Variants in PTPRT observed in about 807,000 individuals in gnomAD.
The protein encoded by PTPRT is protein tyrosine phosphatase receptor type T, also known as receptor-type tyrosine-protein phosphatase T.
Under a neutral mutation model 176.8 loss-of-function variants are expected in PTPRT, and 56 were observed. That is an observed-to-expected ratio of 0.32 (90% CI 0.26 to 0.40). The LOEUF (loss-of-function observed/expected upper bound fraction) is 0.40, where lower values mean the gene tolerates loss of function less well. PTPRT is among the 10% of genes least tolerant of loss of function. PTPRT has a pLI of 1.00. For synonymous variants in PTPRT, 783 were observed against 739.0 expected (o/e 1.06, Z -0.96); for missense variants, 1,540 against 1,908.2 (o/e 0.81, Z 3.60).
chr20:42,120,464 A>G (rs540346704), intron 19 of PTPRT, among the ~76,000 whole-genome samples: 1 of 152,298 alleles, frequency 6.6e-6, no homozygotes, highest in South Asian at 2.1e-4. Flanking sequence ...AGCATCCCAC[A>G]TTGCTTCTCT....
At chr20:42,084,271 T>C (rs1983648410) in intron 29 of PTPRT, among the ~76,000 whole-genome samples, 1 of 152,234 alleles carries the variant, frequency 6.6e-6, no homozygotes, top group Non-Finnish European at 1.5e-5. Context: ...AATGGGGGTA[T>C]AAACACAGCT....
chr20:42,085,259 C>A (rs1027926157), intron 28 of PTPRT, among the ~76,000 whole-genome samples: 4 of 152,072 alleles, frequency 2.6e-5, no homozygotes, highest in Non-Finnish European at 5.9e-5. Context: ...AAGTAGTGAC[C>A]AAAGCTGCAT....
At chr20:42,837,901 T>C (rs2078210415) in intron 2 of PTPRT, among the ~76,000 whole-genome samples, 2 of 152,104 alleles carry the variant, frequency 1.3e-5, no homozygotes, top group Admixed American at 6.5e-5. Context: ...AAGGTGGCTC[T>C]TGGTGTTCAC....
chr20:42,947,717 GC>G (rs1568694563), intron 1 of PTPRT, among the ~76,000 whole-genome samples: 1 of 152,044 alleles, frequency 6.6e-6, no homozygotes, highest in Non-Finnish European at 1.5e-5. Context: ...CAAGAATTGT[GC>G]TCATTCACTT....
intron 6 of PTPRT, among the ~76,000 whole-genome samples, chr20:42,706,543 T>C (rs1405915801): frequency 6.6e-6 from 1 of 152,082 alleles, no homozygotes; most frequent in African/African-American, 2.4e-5. Context: ...GCATAGAAAG[T>C]AAAACATATG....
At chr20:42,894,103 C>T (rs900388280) in intron 1 of PTPRT, among the ~76,000 whole-genome samples, 5 of 151,574 alleles carry the variant, frequency 3.3e-5, no homozygotes, top group Admixed American at 6.6e-5. Flanking sequence ...ATTCTGAATC[C>T]GAGAAAGAAG....
intron 7 of PTPRT, among the ~76,000 whole-genome samples, chr20:42,516,576 G>A (rs2145479902): frequency 6.6e-6 from 1 of 152,174 alleles, no homozygotes; most frequent in African/African-American, 2.4e-5. Context: ...TTACATTTGG[G>A]GGATATGGCT....
intron 7 of PTPRT, among the ~76,000 whole-genome samples, chr20:42,555,704 A>C (rs950694776): frequency 6.6e-6 from 1 of 152,192 alleles, no homozygotes; most frequent in Admixed American, 6.5e-5. Flanking sequence ...GACAAATGGA[A>C]TATGAGCAGG....
intron 11 of PTPRT, among the ~76,000 whole-genome samples, chr20:42,319,387 T>A (rs527632439): frequency 7.9e-5 from 12 of 152,102 alleles, no homozygotes; most frequent in Admixed American, 5.9e-4. Context: ...CAACTCCATA[T>A]GAAATTACAA....
intron 1 of PTPRT, among the ~76,000 whole-genome samples, chr20:42,897,296 T>C (rs1407577496): frequency 6.6e-6 from 1 of 152,224 alleles, no homozygotes; most frequent in African/African-American, 2.4e-5. Context: ...AAACAGTGTC[T>C]GATCTGTTCA....
chr20:42,115,979 G>A (rs1408391728), intron 21 of PTPRT: 20 of 713,794 alleles, frequency 2.8e-5, no homozygotes, highest in East Asian at 8.1e-5. Flanking sequence ...TGTTTAAGTC[G>A]CACTCATGGA....
intron 7 of PTPRT, among the ~76,000 whole-genome samples, chr20:42,488,317 G>C (rs1356779657): frequency 6.6e-6 from 1 of 152,160 alleles, no homozygotes; most frequent in Non-Finnish European, 1.5e-5. Context: ...ACAAAGTACT[G>C]TCAGATTGCT....
intron 7 of PTPRT, among the ~76,000 whole-genome samples, chr20:42,653,731 T>G (rs2075073226): frequency 6.6e-6 from 1 of 152,230 alleles, no homozygotes; most frequent in Non-Finnish European, 1.5e-5. Flanking sequence ...TCCAAGAACT[T>G]AATAATTTAT....
intron 1 of PTPRT, among the ~76,000 whole-genome samples, chr20:42,925,724 C>T (rs192921368): frequency 1.6e-4 from 25 of 152,234 alleles, no homozygotes; most frequent in Admixed American, 5.9e-4. Context: ...TCAGTGGGTC[C>T]GGGGAGGGGC....
chr20:43,123,939 G>A (rs1371310962), intron 1 of PTPRT, among the ~76,000 whole-genome samples: 1 of 152,200 alleles, frequency 6.6e-6, no homozygotes, highest in Non-Finnish European at 1.5e-5. Context: ...ATATTACCTT[G>A]TTCAGACATG....
chr20:42,459,595 G>C (rs564800773), intron 8 of PTPRT, among the ~76,000 whole-genome samples: 1 of 152,332 alleles, frequency 6.6e-6, no homozygotes, highest in African/African-American at 2.4e-5. Flanking sequence ...GATGAACCAA[G>C]AGAATATGTT....
intron 1 of PTPRT, among the ~76,000 whole-genome samples, chr20:43,017,771 C>T (rs929995850): frequency 2.0e-5 from 3 of 152,192 alleles, no homozygotes; most frequent in Admixed American, 6.5e-5. Context: ...GCAATAGATG[C>T]CCTGTGTCCC....
At chr20:42,451,813 C>T (rs575871968) in intron 8 of PTPRT, among the ~76,000 whole-genome samples, 4 of 152,168 alleles carry the variant, frequency 2.6e-5, no homozygotes, top group African/African-American at 9.6e-5. Flanking sequence ...CACAAGCCAT[C>T]CTGAAGAGGG....
chr20:42,289,735 G>A (rs1208058719), intron 12 of PTPRT, among the ~76,000 whole-genome samples: 1 of 152,054 alleles, frequency 6.6e-6, no homozygotes, highest in Non-Finnish European at 1.5e-5. Flanking sequence ...TTTGTGAGAA[G>A]TTTTTAACTT....
Sources: allele counts gnomAD v4.1 joint callset (sites outside exome capture counted in the v4.1 genomes callset), GRCh38; gene constraint gnomAD v4.1.1; transcripts MANE v1.5; gene names NCBI Gene and HGNC (gene_info 2026-07-23, HGNC 2026-07-21).